Variants in ZFHX3 observed in about 807,000 individuals in gnomAD.
ZFHX3 encodes zinc finger homeobox protein 3.
ZFHX3 carries 42 observed loss-of-function variants against 279.1 expected under a neutral mutation model. That is an observed-to-expected ratio of 0.15 (90% CI 0.12 to 0.19). The LOEUF (loss-of-function observed/expected upper bound fraction) is 0.19, where lower values mean the gene tolerates loss of function less well. Among genes scored for constraint, ZFHX3 ranks in the 10% least tolerant of loss-of-function variants. The pLI is 1.00. For missense variants in ZFHX3, 4,981 were observed against 4,754.0 expected (o/e 1.05, Z -1.40); for synonymous variants, 2,293 against 1,957.8 (o/e 1.17, Z -4.52).
intron 1 of ZFHX3, among the ~76,000 whole-genome samples, chr16:73,721,903 G>A (rs1342417748): frequency 6.6e-6 from 1 of 152,154 alleles, no homozygotes; most frequent in African/African-American, 2.4e-5. Flanking sequence ...AAACTAGCCA[G>A]ATGTGATGAT....
chr16:73,660,903 A>T (rs2052775782), intron 2 of ZFHX3, among the ~76,000 whole-genome samples: 1 of 152,174 alleles, frequency 6.6e-6, no homozygotes, highest in Non-Finnish European at 1.5e-5. Flanking sequence ...CTTTTGCTTT[A>T]ATCCTAGGAT....
chr16:73,516,924 G>A (rs2019532654), intron 2 of ZFHX3, among the ~76,000 whole-genome samples: 1 of 152,194 alleles, frequency 6.6e-6, no homozygotes, highest in African/African-American at 2.4e-5. Flanking sequence ...CTTTCTTTAA[G>A]AGGTGTCTTT....
At chr16:73,323,665 A>G (rs2015624739) in intron 3 of ZFHX3, among the ~76,000 whole-genome samples, 1 of 152,178 alleles carries the variant, frequency 6.6e-6, no homozygotes, top group Non-Finnish European at 1.5e-5. Flanking sequence ...TTTGGGTAAA[A>G]GAGGAACAGC....
chr16:73,282,701 C>T (rs1367087094), intron 4 of ZFHX3, among the ~76,000 whole-genome samples: 1 of 151,964 alleles, frequency 6.6e-6, no homozygotes, highest in African/African-American at 2.4e-5. Flanking sequence ...TTGTTTTAGC[C>T]CTCAGTTTCT....
intron 4 of ZFHX3, among the ~76,000 whole-genome samples, chr16:73,293,484 C>G (rs760251356): frequency 7.0e-4 from 106 of 152,222 alleles, no homozygotes; most frequent in Non-Finnish European, 1.6e-4. Flanking sequence ...CTGTAATGTC[C>G]CTGTAGTTTA....
At chr16:73,861,005 C>A (rs935881462) in intron 1 of ZFHX3, among the ~76,000 whole-genome samples, 1 of 144,878 alleles carries the variant, frequency 6.9e-6, no homozygotes, top group African/African-American at 2.6e-5. Context: ...TTTTTTGAGA[C>A]AGGATCACCC....
chr16:73,666,050 T>C (rs529163035), intron 2 of ZFHX3, among the ~76,000 whole-genome samples: 5 of 151,530 alleles, frequency 3.3e-5, no homozygotes, highest in African/African-American at 9.7e-5. Context: ...TCTCCTGACC[T>C]TGCGATCCAC....
intron 1 of ZFHX3, among the ~76,000 whole-genome samples, chr16:73,757,600 G>A (rs150153247): frequency 2.2e-3 from 331 of 152,266 alleles, no homozygotes; most frequent in Middle Eastern, 6.8e-3. Flanking sequence ...TAAAATGGGA[G>A]TAAGACACCA....
intron 5 of ZFHX3, among the ~76,000 whole-genome samples, chr16:73,215,298 T>C (rs935857017): frequency 1.3e-5 from 2 of 152,148 alleles, no homozygotes; most frequent in African/African-American, 4.8e-5. Context: ...TATGTTGTTC[T>C]CTCTACCCAT....
chr16:73,105,458 T>TATA (rs1396464674), intron 7 of ZFHX3, among the ~76,000 whole-genome samples: 2 of 63,522 alleles, frequency 3.1e-5, no homozygotes, highest in East Asian at 4.4e-4. Context: ...TATATATATA[T>TATA]TTTTTCCCCC....
chr16:73,516,450 AT>A (rs1291121538), intron 2 of ZFHX3, among the ~76,000 whole-genome samples: 1 of 152,304 alleles, frequency 6.6e-6, no homozygotes, highest in East Asian at 1.9e-4. Context: ...TTGTATGCAA[AT>A]TTGATTGTTT....
chr16:73,647,457 G>A (rs2052630174), intron 2 of ZFHX3, among the ~76,000 whole-genome samples: 1 of 152,032 alleles, frequency 6.6e-6, no homozygotes, highest in Non-Finnish European at 1.5e-5. Context: ...AAAAGTATGC[G>A]GCACTTACCG....
At chr16:73,164,321 T>A (rs1967308684) in intron 5 of ZFHX3, among the ~76,000 whole-genome samples, 1 of 152,222 alleles carries the variant, frequency 6.6e-6, no homozygotes, top group Non-Finnish European at 1.5e-5. Context: ...ATGGATGTGC[T>A]TGTCACTCAT....
At chr16:73,152,622 C>CT (rs11318696) in intron 5 of ZFHX3, among the ~76,000 whole-genome samples, 16 of 146,034 alleles carry the variant, frequency 1.1e-4, no homozygotes, top group South Asian at 2.2e-4. Flanking sequence ...ATTTTTCTTT[C>CT]TTTTTTTTTT....
At chr16:73,498,061 T>A (rs1456223001) in intron 2 of ZFHX3, among the ~76,000 whole-genome samples, 3 of 152,234 alleles carry the variant, frequency 2.0e-5, no homozygotes, top group African/African-American at 7.2e-5. Flanking sequence ...CAATGGCCAT[T>A]GCTTATATTT....
At chr16:73,665,386 G>C (rs568172843) in intron 2 of ZFHX3, among the ~76,000 whole-genome samples, 1 of 151,908 alleles carries the variant, frequency 6.6e-6, no homozygotes, top group African/African-American at 2.4e-5. Context: ...GCTAATTTTT[G>C]TATTTTTAGT....
At chr16:73,258,050 G>T (rs572130355) in intron 4 of ZFHX3, among the ~76,000 whole-genome samples, 4 of 152,122 alleles carry the variant, frequency 2.6e-5, no homozygotes, top group Admixed American at 2.6e-4. Flanking sequence ...TCCAGATTTT[G>T]CCAAATGTCC....
intron 5 of ZFHX3, among the ~76,000 whole-genome samples, chr16:73,235,868 A>G (rs2012931314): frequency 6.6e-6 from 1 of 152,054 alleles, no homozygotes; most frequent in African/African-American, 2.4e-5. Context: ...ACCAGGTTTC[A>G]CCATGTTGCC....
chr16:72,875,023 G>C (rs1211850889), intron 4 of ZFHX3, among the ~76,000 whole-genome samples: 2 of 152,030 alleles, frequency 1.3e-5, no homozygotes, highest in Admixed American at 1.3e-4. Flanking sequence ...CCTCTGAAAG[G>C]GGGCTGCCTA....
Sources: gnomAD v4.1 joint callset for allele counts (sites outside exome capture counted in the v4.1 genomes callset) on GRCh38, gnomAD v4.1.1 for gene constraint, MANE v1.5 for transcripts, NCBI Gene and HGNC (gene_info 2026-07-23, HGNC 2026-07-21) for gene names.